The following ARHGAP44 variants were observed in gnomAD, a reference collection of about 807,000 sequenced individuals.
ARHGAP44 encodes rho GTPase-activating protein 44.
ARHGAP44 carries 43 observed loss-of-function variants against 106.8 expected under a neutral mutation model. The observed-to-expected ratio is 0.40, with a 90% CI of 0.32 to 0.52. The LOEUF (loss-of-function observed/expected upper bound fraction) is 0.52. Ranked by LOEUF, ARHGAP44 falls within the 20% of genes least tolerant of loss-of-function variation. The pLI, the probability that ARHGAP44 is intolerant of heterozygous loss-of-function variation, is 0.48. For missense variants in ARHGAP44, 866 were observed against 1,050.5 expected, an observed-to-expected ratio of 0.82 and a Z score of 2.43; for synonymous variants, 439 against 410.3, an observed-to-expected ratio of 1.07 and a Z score of -0.85.
At chr17:12,895,863 C>A (rs1319267073) in intron 2 of ARHGAP44, among the ~76,000 whole-genome samples, 7 of 152,082 alleles carry the variant, frequency 4.6e-5, no homozygotes, top group Admixed American at 4.6e-4. Context: ...AAATGTCCAT[C>A]AATGATAGAC....
At chr17:12,940,724 G>A (rs2038683274) in intron 7 of ARHGAP44, among the ~76,000 whole-genome samples, 1 of 152,188 alleles carries the variant, frequency 6.6e-6, no homozygotes, top group Non-Finnish European at 1.5e-5. Context: ...TGTGTGCTTG[G>A]AGCTTGCTTC....
In ARHGAP44 at chr17:12,919,386, TC is replaced by T. The variant is rs1180871836; in HGVS notation, c.388-368del. Among the ~76,000 whole-genome samples the T allele has an allele frequency of 5.1e-3, 410 of 80,372 alleles. 3 individuals carry two copies. The highest frequency in any genetic ancestry group is 0.022 in the African/African-American group (381 of 17,332). The allele number at this position is 80,372 out of a possible 152,430, so 52.7% of individuals were successfully genotyped here. A position where few individuals can be genotyped will look rare whatever the true frequency, so the allele number is the denominator to read the frequency against. Reference sequence around the variant, plus strand: ...CCAATAGTTCTTTAAGAATAGTTCTTCTTTTTTTTTTTTTTTTGAGACGGAG... The same window carrying T: ...CCAATAGTTCTTTAAGAATAGTTCTTTTTTTTTTTTTTTTTTGAGACGGAG... On this transcript the variant is annotated intron_variant, in intron 5 of 20. Coordinates refer to ENST00000379672, the MANE Select transcript of ARHGAP44 (RefSeq NM_014859.6).
intron 1 of ARHGAP44, among the ~76,000 whole-genome samples, chr17:12,833,107 C>G (rs1021063795): frequency 6.6e-6 from 1 of 152,214 alleles, no homozygotes; most frequent in Non-Finnish European, 1.5e-5. Context: ...CTAGCTAGAA[C>G]AGCTTAGGGT....
At chr17:12,857,726 A>T (rs2035951769) in intron 1 of ARHGAP44, among the ~76,000 whole-genome samples, 1 of 152,028 alleles carries the variant, frequency 6.6e-6, no homozygotes. Context: ...ATAACAGGAT[A>T]CCCCAACCAC....
intron 1 of ARHGAP44, among the ~76,000 whole-genome samples, chr17:12,819,408 C>A (rs1411077926): frequency 2.0e-5 from 3 of 151,892 alleles, no homozygotes; most frequent in Non-Finnish European, 4.4e-5. Flanking sequence ...CATTATGGAA[C>A]AAATCTCTTT....
intron 1 of ARHGAP44, among the ~76,000 whole-genome samples, chr17:12,855,983 T>A (rs1002095936): frequency 6.6e-6 from 1 of 152,224 alleles, no homozygotes; most frequent in Non-Finnish European, 1.5e-5. Context: ...TCAATCTGCT[T>A]TAAGAAAAAG....
At chr17:12,906,610 A>T (rs971516027) in intron 3 of ARHGAP44, among the ~76,000 whole-genome samples, 2 of 152,182 alleles carry the variant, frequency 1.3e-5, no homozygotes, top group Non-Finnish European at 2.9e-5. Flanking sequence ...GCAAAGTATG[A>T]TGATGTTTAT....
chr17:12,789,903 G>A lies in ARHGAP44; in HGVS notation c.53+12G>A. Reference sequence around the variant, plus strand: ...CAGACGGTGGGCAGGTAGGTCACCCGCGGGCACCGCTGTCGGTGCGCGCCC... The same window carrying A: ...CAGACGGTGGGCAGGTAGGTCACCCACGGGCACCGCTGTCGGTGCGCGCCC... On this transcript the variant is annotated intron_variant, in intron 1 of 20. Coordinates refer to ENST00000379672, the MANE Select transcript of ARHGAP44 (RefSeq NM_014859.6). The A allele has an allele frequency of 6.6e-7, 1 of 1,515,306 alleles. No homozygotes were observed. The highest frequency in any genetic ancestry group is 8.8e-7 in the Non-Finnish European group (1 of 1,133,668). 93.9% of individuals were successfully genotyped at this position (1,515,306 alleles called of 1,614,324 possible).
intron 1 of ARHGAP44, among the ~76,000 whole-genome samples, chr17:12,849,213 G>C (rs1465364752): frequency 7.4e-6 from 1 of 134,368 alleles, no homozygotes; most frequent in Non-Finnish European, 1.5e-5. Flanking sequence ...ACTGAGGTGG[G>C]CGTGTGTGTG....
chr17:12,836,200 G>C (rs1043291871), intron 1 of ARHGAP44, among the ~76,000 whole-genome samples: 1 of 152,120 alleles, frequency 6.6e-6, no homozygotes, highest in Admixed American at 6.5e-5. Context: ...TGTAGATAAG[G>C]ACAGAAATGC....
chr17:12,984,837 C>T lies in ARHGAP44; in HGVS notation c.2246C>T (p.Ser749Leu), dbSNP rs765928529. Reference protein sequence around the residue: ...PPPQPPTVNLSASSPQSTEAP... With the variant: ...PPPQPPTVNLLASSPQSTEAP... ...CCTCAGCCTCCCACAGTAAACCTCTCGGCCTCTAGTCCACAGTCCACGGAG... is the reference window on the plus strand; with the variant it reads ...CCTCAGCCTCCCACAGTAAACCTCTTGGCCTCTAGTCCACAGTCCACGGAG... Residue 749 changes from serine (S) to leucine (L), a missense_variant, in exon 20 of 21, where the codon TCG becomes TTG. Coordinates refer to ENST00000379672, the MANE Select transcript of ARHGAP44 (RefSeq NM_014859.6). The T allele has an allele frequency of 1.9e-5, 31 of 1,613,868 alleles. No homozygotes were observed. The highest frequency in any genetic ancestry group is 6.7e-5 in the Admixed American group (4 of 60,012).
intron 4 of ARHGAP44, 89 bp from the exon 5 acceptor site, chr17:12,915,811 A>T: frequency 8.7e-7 from 1 of 1,146,174 alleles, no homozygotes; most frequent in South Asian, 1.5e-5. Context: ...GTGAAAGTTT[A>T]CAAGTGAGCC....
At chr17:12,920,968 T>A (rs180892811) in intron 6 of ARHGAP44, among the ~76,000 whole-genome samples, 2 of 152,204 alleles carry the variant, frequency 1.3e-5, no homozygotes, top group African/African-American at 4.8e-5. Flanking sequence ...TGTATATAAG[T>A]TGAAAAAGGC....
At chr17:12,855,809 C>T (rs1429380883) in intron 1 of ARHGAP44, among the ~76,000 whole-genome samples, 2 of 152,130 alleles carry the variant, frequency 1.3e-5, no homozygotes, top group Non-Finnish European at 2.9e-5. Flanking sequence ...AGCTCTGGCA[C>T]TAAATGGAAG....
intron 1 of ARHGAP44, among the ~76,000 whole-genome samples, chr17:12,810,866 T>G (rs1412906668): frequency 6.6e-6 from 1 of 152,186 alleles, no homozygotes; most frequent in African/African-American, 2.4e-5. Flanking sequence ...CAGGTGTAAC[T>G]TTTGACCACC....
chr17:12,863,756 C>T (rs2036158594), intron 1 of ARHGAP44, among the ~76,000 whole-genome samples: 1 of 152,180 alleles, frequency 6.6e-6, no homozygotes, highest in Admixed American at 6.5e-5. Flanking sequence ...TAATGCTCTC[C>T]AACATACCAC....
At chr17:12,848,612 C>T (rs1477067564) in intron 1 of ARHGAP44, among the ~76,000 whole-genome samples, 1 of 152,068 alleles carries the variant, frequency 6.6e-6, no homozygotes, top group Non-Finnish European at 1.5e-5. Context: ...ATTTTATAGC[C>T]CTCTGCCAGG....
intron 6 of ARHGAP44, among the ~76,000 whole-genome samples, chr17:12,923,167 G>T (rs1016907470): frequency 1.3e-5 from 2 of 152,122 alleles, no homozygotes; most frequent in Non-Finnish European, 2.9e-5. Flanking sequence ...CCCACTTTGT[G>T]CAGTTGTGAG....
rs112498910 is a variant in ARHGAP44, at chr17:12,813,028, T to C, written c.53+23137T>C. Among the ~76,000 whole-genome samples, 66 of 152,346 alleles carry C rather than the reference T, an allele frequency of 4.3e-4. 1 individual carries two copies. The highest frequency in any genetic ancestry group is 1.5e-3 in the African/African-American group (64 of 41,584). ...GCCTTGGAGTAATTGGACCTTGGTT[T>C]ACTCAGCTCCATTACTTCTCACTGT... On this transcript the variant is annotated intron_variant, in intron 1 of 20. Transcript: ENST00000379672.
Sources: gnomAD v4.1 joint callset for allele counts (sites outside exome capture counted in the v4.1 genomes callset) on GRCh38, gnomAD v4.1.1 for gene constraint, MANE v1.5 for transcripts, NCBI Gene and HGNC (gene_info 2026-07-23, HGNC 2026-07-21) for gene names.